ZNF717: variants seen among roughly 807,000 people sequenced by gnomAD.
The protein encoded by ZNF717 is krueppel-like factor X17.
A neutral mutation model predicts 13.8 loss-of-function variants in ZNF717; 9 were observed. That is an observed-to-expected ratio of 0.65 (90% CI 0.39 to 1.14). The LOEUF is 1.14. Among genes scored for constraint, ZNF717 ranks in the 50% most tolerant of loss-of-function variants. The probability of loss-of-function intolerance (pLI) is 0.01; values close to 1 mark genes in which losing one functional copy is unlikely to be tolerated. For missense variants in ZNF717, 1,040 were observed against 1,080.7 expected, an observed-to-expected ratio of 0.96 and a Z score of 0.53; for synonymous variants, 327 against 364.1, an observed-to-expected ratio of 0.90 and a Z score of 1.16.
Position 75,770,890 on chromosome 3 carries a change from C to T in ZNF717, c.57+12416G>A, listed in dbSNP as rs542093414. Among the ~76,000 whole-genome samples the T allele has an allele frequency of 9.9e-5, 15 of 152,070 alleles. No homozygotes were observed. The East Asian group carries it at 1.9e-3, about 20-fold the overall frequency. ...GAATCAGTCAAGGAGAACTGCAGGGCGGGATGAACAGGGACCAACAGAACA... is the reference window on the plus strand; with the variant it reads ...GAATCAGTCAAGGAGAACTGCAGGGTGGGATGAACAGGGACCAACAGAACA... On this transcript the variant is annotated intron_variant, in intron 2 of 4. Transcript: ENST00000652011.
chr3:75,746,758 T>G (rs1438554383), intron 2 of ZNF717, among the ~76,000 whole-genome samples: 4 of 152,294 alleles, frequency 2.6e-5, no homozygotes, highest in Admixed American at 2.0e-4. Flanking sequence ...CTTTGTAGAT[T>G]CTGGATATTA....
At chr3:75,760,601 A>C (rs1467112959) in intron 2 of ZNF717, among the ~76,000 whole-genome samples, 1 of 152,216 alleles carries the variant, frequency 6.6e-6, no homozygotes, top group Non-Finnish European at 1.5e-5. Flanking sequence ...AAAGATCTCA[A>C]ACCCATGCTA....
rs1269517815 is a variant in ZNF717 at position 75,716,804 on chromosome 3, T to G, written n.545-263A>C. Among the ~76,000 whole-genome samples, 14 of 152,282 alleles carry G rather than the reference T, an allele frequency of 9.2e-5. No individual in the cohort carries two copies. The East Asian group carries it at 2.3e-3, about 25-fold the overall frequency. ...CACTGACATGAAAACCAGGGCAGCCTCTCCCAAGAATACTATGTTCCTCCT... is the reference window on the plus strand; with the variant it reads ...CACTGACATGAAAACCAGGGCAGCCGCTCCCAAGAATACTATGTTCCTCCT... On this transcript the variant is annotated intron_variant and non_coding_transcript_variant, in intron 4 of 5. Coordinates refer to the ZNF717 transcript ENST00000491507.
exon 6 of ZNF717, chr3:75,730,455 T>C (rs1938462537): frequency 3.8e-6 from 2 of 533,212 alleles, no homozygotes; most frequent in Non-Finnish European, 6.6e-6. Flanking sequence ...CACAGCTAGT[T>C]TGTTACTGGT....
At chr3:75,732,681 A>C (rs1438236464), downstream of ZNF717, among the ~76,000 whole-genome samples, 4 of 152,244 alleles carry the variant, frequency 2.6e-5, no homozygotes, top group African/African-American at 9.6e-5. Flanking sequence ...TAAATTGAGC[A>C]ATAAATTTCT....
At chr3:75,755,608 T>G (rs567795630) in intron 2 of ZNF717, among the ~76,000 whole-genome samples, 26 of 152,346 alleles carry the variant, frequency 1.7e-4, no homozygotes, top group Non-Finnish European at 3.2e-4. Context: ...GTGTTTTCTT[T>G]GTTAAGCAGG....
At chr3:75,719,670 A>G (rs1236578475) in intron 4 of ZNF717, among the ~76,000 whole-genome samples, 1 of 152,142 alleles carries the variant, frequency 6.6e-6, no homozygotes, top group Non-Finnish European at 1.5e-5. Flanking sequence ...TTTAGAAAAC[A>G]TCTTGGCCAG....
rs868868315 is a variant in ZNF717, at chr3:75,738,288, G to T, written c.1335C>A (p.His445Gln). 1.1e-3 allele frequency: 1,660 copies of T among 1,550,554 alleles called. No homozygotes were observed. The African/African-American group carries it at 0.022, about 20-fold the overall frequency. ...KSRLTVHQRT[H>Q]TGEKPYECNE... ...TACATTCATACGGTTTTTCCCCTGT[G>T]TGTGTTCTCTGATGGACAGTAAGCC... Residue 445 changes from histidine to glutamine, a missense_variant, in exon 5 of 5, where the codon CAC (histidine) becomes CAA (glutamine). Physicochemically the swap from His to Gln is conservative, Grantham distance 24. Transcript: ENST00000652011.
chr3:75,723,054 C>T (rs2106870703), intron 4 of ZNF717, among the ~76,000 whole-genome samples: 1 of 152,052 alleles, frequency 6.6e-6, no homozygotes, highest in African/African-American at 2.4e-5. Context: ...TGCAGATGTT[C>T]CAAATATTGA....
downstream of ZNF717, among the ~76,000 whole-genome samples, chr3:75,725,888 A>G (rs1347215903): frequency 6.6e-6 from 1 of 152,256 alleles, no homozygotes; most frequent in Non-Finnish European, 1.5e-5. Flanking sequence ...CAGTCTCATA[A>G]TAAGGACCAA....
At chr3:75,751,302 G>C (rs112333398) in intron 2 of ZNF717, among the ~76,000 whole-genome samples, 1 of 150,046 alleles carries the variant, frequency 6.7e-6, no homozygotes, top group Non-Finnish European at 1.5e-5. Context: ...ACTGCTGCTG[G>C]GGTCTGAATG....
At chr3:75,747,009 A>C (rs1423413629) in intron 2 of ZNF717, among the ~76,000 whole-genome samples, 3 of 152,126 alleles carry the variant, frequency 2.0e-5, no homozygotes, top group Non-Finnish European at 4.4e-5. Flanking sequence ...CTAACATTTA[A>C]GTCTTTAATC....
intron 6 of ZNF717, among the ~76,000 whole-genome samples, chr3:75,696,452 G>A: frequency 6.6e-6 from 1 of 152,308 alleles, no homozygotes; most frequent in Non-Finnish European, 1.5e-5. Flanking sequence ...CCATATCTGA[G>A]AATATTGATG....
At chr3:75,756,368 G>C (rs113326062) in intron 2 of ZNF717, among the ~76,000 whole-genome samples, 3,596 of 152,274 alleles carry the variant, frequency 0.024, 105 homozygotes, top group African/African-American at 0.081. Flanking sequence ...GCCTCTATGT[G>C]TTCAAGTGAA....
At position 75,718,835 on chromosome 3, in the gene ZNF717, C is replaced by A. The variant is rs1293895842; in HGVS notation, n.545-2294G>T. Among the ~76,000 whole-genome samples the A allele has an allele frequency of 9.7e-3, 1,474 of 152,246 alleles. 19 individuals are homozygous for A. The highest frequency in any genetic ancestry group is 0.044 in the Middle Eastern group (13 of 294). ...CACCACTCACCTCCTGATGTGCAGC[C>A]CGGTTCCTCAGAGGCCACGGGCAAT... On this transcript the variant is annotated intron_variant and non_coding_transcript_variant, in intron 4 of 5. Coordinates refer to the ZNF717 transcript ENST00000491507.
Position 75,737,307 on chromosome 3 carries a change from G to T in ZNF717, c.2316C>A (p.Asn772Lys). ...AGTGAGTCCCCTGATGCGTACTGAG[G>T]TTTGACTTGTGACAAAAGGTTTTCC... ...ECGKTFCHKSNLSTHQGTHSG... is the reference protein window; with the variant it reads ...ECGKTFCHKSKLSTHQGTHSG... Residue 772 changes from asparagine (N) to lysine (K), a missense_variant, in exon 5 of 5, where the codon AAC becomes AAA. Around this residue, in one of 3 missense-constraint regions of ZNF717, gnomAD observed 873 missense variants for 832.8 expected, o/e 1.05. Coordinates refer to ENST00000652011, the MANE Select transcript of ZNF717 (RefSeq NM_001290208.3). 1 of 1,552,522 alleles carries T rather than the reference G, an allele frequency of 6.4e-7. No individual in the cohort carries two copies. The highest frequency in any genetic ancestry group is 8.7e-7 in the Non-Finnish European group (1 of 1,147,592).
intron 2 of ZNF717, among the ~76,000 whole-genome samples, chr3:75,764,679 T>C (rs1454594114): frequency 6.6e-6 from 1 of 152,186 alleles, no homozygotes; most frequent in African/African-American, 2.4e-5. Flanking sequence ...TGAGAAGATG[T>C]GTAACATCAC....
In ZNF717 at chr3:75,737,653, TG is replaced by T; in HGVS notation, c.1969del (p.His657IlefsTer21). On this transcript the variant is annotated frameshift_variant, in exon 5 of 5. Coordinates refer to ENST00000652011, the MANE Select transcript of ZNF717 (RefSeq NM_001290208.3). LOFTEE classifies it low-confidence loss of function (END_TRUNC). ...YVCNECGKTF[H>X]RKSFLTIHQR... Reference sequence around the variant, plus strand: ...GTGTATGGTGAGGAATGACTTGCGATGAAAGGTTTTTCCACATTCATTACAT... The same window carrying T: ...GTGTATGGTGAGGAATGACTTGCGATAAAGGTTTTTCCACATTCATTACAT... 6.5e-7 allele frequency: 1 copy of T among 1,540,768 alleles called. No homozygotes were observed. Among genetic ancestry groups the T allele is most frequent in the Non-Finnish European group, 8.8e-7 (1 of 1,142,062 alleles).
chr3:75,699,058 C>T (rs1321423514), intron 6 of ZNF717, among the ~76,000 whole-genome samples: 136 of 147,356 alleles, frequency 9.2e-4, no homozygotes, highest in African/African-American at 3.6e-3. Context: ...TCAGTAACTG[C>T]CATTCTGGGT....
Sources: gnomAD v4.1 joint callset for allele counts (sites outside exome capture counted in the v4.1 genomes callset) on GRCh38, gnomAD v4.1.1 for gene constraint, gnomAD v4.1.1 regional missense constraint, MANE v1.5 for transcripts, NCBI Gene and HGNC (gene_info 2026-07-23, HGNC 2026-07-21) for gene names.